Variants in CACNA2D3 observed in about 807,000 individuals in gnomAD.
The protein encoded by CACNA2D3 is calcium voltage-gated channel auxiliary subunit alpha2delta 3.
A neutral mutation model predicts 160.6 loss-of-function variants in CACNA2D3; 60 were observed. The observed-to-expected ratio is 0.37, with a 90% CI of 0.30 to 0.46. The LOEUF (loss-of-function observed/expected upper bound fraction) is 0.46, where lower values mean the gene tolerates loss of function less well. Among genes scored for constraint, CACNA2D3 ranks in the 20% least tolerant of loss-of-function variants. The pLI, the probability that CACNA2D3 is intolerant of heterozygous loss-of-function variation, is 1.00. For synonymous variants in CACNA2D3, 558 were observed against 492.9 expected (o/e 1.13, Z -1.75); for missense variants, 1,205 against 1,365.0 (o/e 0.88, Z 1.85).
chr3:54,877,654 A>T (rs1425456212), intron 18 of CACNA2D3, among the ~76,000 whole-genome samples: 4 of 152,178 alleles, frequency 2.6e-5, no homozygotes, highest in African/African-American at 9.7e-5. Flanking sequence ...GATTTAAGAC[A>T]AGGGCAAGAC....
chr3:54,980,507 CT>C (rs1288886573), intron 29 of CACNA2D3, among the ~76,000 whole-genome samples: 3 of 152,220 alleles, frequency 2.0e-5, no homozygotes, highest in African/African-American at 7.2e-5. Context: ...ATATATTCTA[CT>C]TTTCTTACAC....
intron 13 of CACNA2D3, among the ~76,000 whole-genome samples, chr3:54,787,489 C>T (rs933830190): frequency 6.6e-6 from 1 of 152,094 alleles, no homozygotes; most frequent in African/African-American, 2.4e-5. Context: ...GATTCAGTGA[C>T]CAAAGCTGAT....
intron 2 of CACNA2D3, among the ~76,000 whole-genome samples, chr3:54,292,021 C>G (rs1277330840): frequency 6.6e-6 from 1 of 152,092 alleles, no homozygotes; most frequent in African/African-American, 2.4e-5. Context: ...CCTCACAAAT[C>G]TAGTCAGTTG....
chr3:54,975,716 A>G (rs1302676204), intron 29 of CACNA2D3, among the ~76,000 whole-genome samples: 2 of 152,054 alleles, frequency 1.3e-5, no homozygotes, highest in East Asian at 3.9e-4. Flanking sequence ...CCTATAATGG[A>G]CATATTTTTT....
chr3:54,742,012 G>A lies in CACNA2D3; in HGVS notation c.1168-10587G>A, dbSNP rs920271378. ...CTTCCAAGTAGCTAGGACTACAGGC[G>A]AGTACCACCACACTTGGCTAATTTT... On this transcript the variant is annotated intron_variant, in intron 11 of 37. Transcript: ENST00000474759. Among the ~76,000 whole-genome samples the A allele has an allele frequency of 3.3e-5, 5 of 152,090 alleles. No homozygotes were observed. In the South Asian group the frequency reaches 6.2e-4, roughly 19 times the overall value.
intron 11 of CACNA2D3, among the ~76,000 whole-genome samples, chr3:54,644,714 C>T (rs751970935): frequency 1.3e-5 from 2 of 152,188 alleles, no homozygotes; most frequent in Admixed American, 1.3e-4. Context: ...TCGGGATCAC[C>T]CGAGGGCTTG....
chr3:54,167,242 A>C (rs1450036695), intron 2 of CACNA2D3, among the ~76,000 whole-genome samples: 3 of 152,166 alleles, frequency 2.0e-5, no homozygotes, highest in Non-Finnish European at 2.9e-5. Context: ...TTCCCAAACC[A>C]GGTATATAGT....
intron 4 of CACNA2D3, 47 bp from the exon 5 acceptor site, chr3:54,503,445 C>T: frequency 1.3e-6 from 2 of 1,579,518 alleles, no homozygotes; most frequent in Non-Finnish European, 1.7e-6. Context: ...GAGTTCACAG[C>T]CCTCTTCCCT....
chr3:54,854,693 G>T (rs1200949525), intron 17 of CACNA2D3, among the ~76,000 whole-genome samples: 1 of 152,114 alleles, frequency 6.6e-6, no homozygotes, highest in Non-Finnish European at 1.5e-5. Context: ...TGCCTCGTGC[G>T]TGGAGTGCTC....
intron 35 of CACNA2D3, among the ~76,000 whole-genome samples, chr3:55,034,197 T>C (rs945010611): frequency 5.3e-5 from 8 of 151,952 alleles, no homozygotes; most frequent in Admixed American, 3.3e-4. Flanking sequence ...GTTAGTTATA[T>C]TCATACCAAC....
intron 4 of CACNA2D3, among the ~76,000 whole-genome samples, chr3:54,472,290 C>G (rs1156449181): frequency 2.0e-5 from 3 of 152,140 alleles, no homozygotes; most frequent in African/African-American, 7.2e-5. Flanking sequence ...GAACCAATGA[C>G]AAAAACCACA....
intron 2 of CACNA2D3, among the ~76,000 whole-genome samples, chr3:54,227,183 A>G (rs759787378): frequency 6.6e-6 from 1 of 151,446 alleles, no homozygotes; most frequent in Non-Finnish European, 1.5e-5. Context: ...AAAATGAACC[A>G]AGGTCTTGGG....
intron 2 of CACNA2D3, among the ~76,000 whole-genome samples, chr3:54,174,803 G>A (rs990670402): frequency 5.3e-5 from 8 of 152,246 alleles, no homozygotes; most frequent in African/African-American, 1.9e-4. Context: ...GGGATTACAG[G>A]CGTGAGCCAC....
intron 2 of CACNA2D3, among the ~76,000 whole-genome samples, chr3:54,184,688 T>C (rs1700848652): frequency 6.6e-6 from 1 of 152,238 alleles, no homozygotes; most frequent in Non-Finnish European, 1.5e-5. Context: ...TTGAATCCAT[T>C]TGGGGACATG....
intron 9 of CACNA2D3, among the ~76,000 whole-genome samples, chr3:54,594,266 G>C (rs1030818405): frequency 3.3e-5 from 5 of 152,172 alleles, no homozygotes; most frequent in African/African-American, 1.2e-4. Context: ...TACAATTGTA[G>C]CATGAAAGCA....
chr3:54,561,438 C>T (rs2106704106), intron 5 of CACNA2D3, among the ~76,000 whole-genome samples: 1 of 152,324 alleles, frequency 6.6e-6, no homozygotes, highest in African/African-American at 2.4e-5. Context: ...TATCCTCAGA[C>T]TTTGCTGAAA....
At chr3:54,737,146 A>C (rs534344139) in intron 11 of CACNA2D3, among the ~76,000 whole-genome samples, 20 of 151,880 alleles carry the variant, frequency 1.3e-4, no homozygotes, top group South Asian at 1.0e-3. Flanking sequence ...AACAAAACTA[A>C]TATATCTCCA....
intron 5 of CACNA2D3, among the ~76,000 whole-genome samples, chr3:54,531,100 G>A (rs1025852271): frequency 1.3e-5 from 2 of 152,262 alleles, no homozygotes; most frequent in Non-Finnish European, 2.9e-5. Flanking sequence ...TTTAAGATGT[G>A]ATGGTTTGCT....
chr3:54,561,607 T>C (rs1415778836), intron 5 of CACNA2D3, among the ~76,000 whole-genome samples: 1 of 152,168 alleles, frequency 6.6e-6, no homozygotes, highest in Non-Finnish European at 1.5e-5. Context: ...GGAATTCCAA[T>C]ATTGTGTTGA....
Sources: gnomAD v4.1 joint callset for allele counts (sites outside exome capture counted in the v4.1 genomes callset) on GRCh38, gnomAD v4.1.1 for gene constraint, MANE v1.5 for transcripts, NCBI Gene and HGNC (gene_info 2026-07-23, HGNC 2026-07-21) for gene names.